The following KCNN2 variants were observed in gnomAD, a reference collection of about 807,000 sequenced individuals.
KCNN2 encodes potassium calcium-activated channel subfamily N member 2, also known as small conductance calcium-activated potassium channel protein 2.
KCNN2 carries 24 observed loss-of-function variants against 55.5 expected under a neutral mutation model. That is an observed-to-expected ratio of 0.43 (90% CI 0.31 to 0.61). The LOEUF (loss-of-function observed/expected upper bound fraction) is 0.61. Among genes scored for constraint, KCNN2 ranks in the 20% least tolerant of loss-of-function variants. The probability of loss-of-function intolerance (pLI) is 0.08; values close to 1 mark genes in which losing one functional copy is unlikely to be tolerated. For missense variants in KCNN2, 754 were observed against 853.6 expected, an observed-to-expected ratio of 0.88 and a Z score of 1.45; for synonymous variants, 431 against 336.1, an observed-to-expected ratio of 1.28 and a Z score of -3.09.
At chr5:114,354,753 A>T (rs1405771009) in intron 2 of KCNN2, among the ~76,000 whole-genome samples, 2 of 152,124 alleles carry the variant, frequency 1.3e-5, no homozygotes, top group Non-Finnish European at 2.9e-5. Flanking sequence ...GTGAGAAAAA[A>T]ATGTTGTATT....
chr5:114,406,724 C>T (rs1466009547), intron 3 of KCNN2, among the ~76,000 whole-genome samples: 2 of 152,148 alleles, frequency 1.3e-5, no homozygotes, highest in African/African-American at 4.8e-5. Context: ...ACTTGCATCT[C>T]TATCATGTTG....
At chr5:114,150,812 G>A (rs1752505471) in intron 1 of KCNN2, among the ~76,000 whole-genome samples, 1 of 152,100 alleles carries the variant, frequency 6.6e-6, no homozygotes, top group African/African-American at 2.4e-5. Context: ...ACCTCGGGTT[G>A]GGAGTTCAAG....
chr5:114,149,349 C>T (rs1025298698), intron 1 of KCNN2, among the ~76,000 whole-genome samples: 1 of 152,082 alleles, frequency 6.6e-6, no homozygotes. Context: ...ATATTGGGTG[C>T]CAGATATTGC....
chr5:114,451,356 G>C (rs1760668128), intron 3 of KCNN2, among the ~76,000 whole-genome samples: 2 of 152,104 alleles, frequency 1.3e-5, no homozygotes, highest in South Asian at 4.1e-4. Flanking sequence ...TATATCCCAA[G>C]TGTGAATGAA....
chr5:114,112,219 A>G (rs56306449), intron 1 of KCNN2, among the ~76,000 whole-genome samples: 23,401 of 152,174 alleles, frequency 0.15, 1,999 homozygotes, highest in Middle Eastern at 0.23. Context: ...TCAGCAAACT[A>G]TCACAACGGC....
At chr5:114,411,659 G>GGA (rs370724280) in intron 3 of KCNN2, among the ~76,000 whole-genome samples, 1 of 151,894 alleles carries the variant, frequency 6.6e-6, no homozygotes, top group African/African-American at 2.4e-5. Flanking sequence ...CCCAGCTCCA[G>GGA]GAGAGAGAGA....
At chr5:114,147,646 C>T (rs1228916598) in intron 1 of KCNN2, among the ~76,000 whole-genome samples, 2 of 152,136 alleles carry the variant, frequency 1.3e-5, no homozygotes, top group Non-Finnish European at 2.9e-5. Context: ...TTCAGATAGA[C>T]AGTGAGGACT....
chr5:114,405,107 G>T (rs1324658484), intron 3 of KCNN2, among the ~76,000 whole-genome samples: 1 of 152,052 alleles, frequency 6.6e-6, no homozygotes, highest in African/African-American at 2.4e-5. Context: ...ATAATTTTGT[G>T]CCAAAATTTG....
At chr5:114,359,518 T>C (rs1224605755), upstream of KCNN2, among the ~76,000 whole-genome samples, 1 of 152,216 alleles carries the variant, frequency 6.6e-6, no homozygotes, top group Non-Finnish European at 1.5e-5. Flanking sequence ...ATTTGCTATT[T>C]GACAAAGTCA....
upstream of KCNN2, among the ~76,000 whole-genome samples, chr5:114,361,684 G>A (rs1757425360): frequency 6.6e-6 from 1 of 152,220 alleles, no homozygotes; most frequent in South Asian, 2.1e-4. Flanking sequence ...GCAGTGGCTG[G>A]CGCAGGTGAT....
chr5:114,310,449 G>C (rs1445701239), intron 2 of KCNN2, among the ~76,000 whole-genome samples: 1 of 152,156 alleles, frequency 6.6e-6, no homozygotes, highest in Admixed American at 6.5e-5. Flanking sequence ...GTGAGGACCA[G>C]ATAAACTAAA....
At chr5:114,261,401 C>T (rs1024865313) in intron 2 of KCNN2, among the ~76,000 whole-genome samples, 1 of 152,152 alleles carries the variant, frequency 6.6e-6, no homozygotes, top group Non-Finnish European at 1.5e-5. Flanking sequence ...CCTACTCACC[C>T]CTTAGTTCAG....
chr5:114,254,276 G>C (rs529700683), intron 2 of KCNN2, among the ~76,000 whole-genome samples: 1 of 152,034 alleles, frequency 6.6e-6, no homozygotes, highest in Non-Finnish European at 1.5e-5. Context: ...ATAAGCAAAT[G>C]TATTATAAAC....
Position 114,057,931 on chromosome 5 carries a change from G to C in KCNN2, c.-271+1431G>C, listed in dbSNP as rs561959645. Among the ~76,000 whole-genome samples the C allele has an allele frequency of 5.3e-4, 80 of 152,220 alleles. 1 individual carries two copies. Among genetic ancestry groups the C allele is most frequent in the Non-Finnish European group, 1.1e-3 (73 of 68,044 alleles). On this transcript the variant is annotated intron_variant, in intron 1 of 10. Coordinates refer to the KCNN2 transcript ENST00000512097. ...TGGTTGAAGAAGATGTGGGTCCAAA[G>C]GATGTTCAAACATTGCTGATGGGAG...
At chr5:114,106,879 G>A (rs1160993129) in intron 1 of KCNN2, among the ~76,000 whole-genome samples, 1 of 151,876 alleles carries the variant, frequency 6.6e-6, no homozygotes, top group Non-Finnish European at 1.5e-5. Context: ...AATTTTTAAT[G>A]AGGTCCAAGT....
chr5:114,084,333 A>T (rs746777022), intron 1 of KCNN2, among the ~76,000 whole-genome samples: 1 of 152,020 alleles, frequency 6.6e-6, no homozygotes, highest in Non-Finnish European at 1.5e-5. Context: ...GTCCCGCCAA[A>T]GTTTGATATT....
intron 2 of KCNN2, among the ~76,000 whole-genome samples, chr5:114,324,197 A>T (rs1756672755): frequency 6.6e-6 from 1 of 152,220 alleles, no homozygotes; most frequent in Non-Finnish European, 1.5e-5. Context: ...CCTATGAAAT[A>T]TAAATTAAAT....
At chr5:114,203,756 G>A (rs1416474672) in intron 1 of KCNN2, among the ~76,000 whole-genome samples, 1 of 152,200 alleles carries the variant, frequency 6.6e-6, no homozygotes, top group African/African-American at 2.4e-5. Context: ...GGAAGAGCAT[G>A]GACTCAGACT....
intron 1 of KCNN2, among the ~76,000 whole-genome samples, chr5:114,210,382 G>A (rs1753858635): frequency 6.6e-6 from 1 of 152,116 alleles, no homozygotes; most frequent in South Asian, 2.1e-4. Context: ...GAGGCTGGTA[G>A]GAACCTAACC....
Sources: allele counts gnomAD v4.1 joint callset (sites outside exome capture counted in the v4.1 genomes callset), GRCh38; gene constraint gnomAD v4.1.1; transcripts MANE v1.5; gene names NCBI Gene and HGNC (gene_info 2026-07-23, HGNC 2026-07-21).